The following KREMEN1 variants were observed in gnomAD, a reference collection of about 807,000 sequenced individuals.
KREMEN1 encodes the protein kremen protein 1.
In KREMEN1, 30 loss-of-function variants were observed where a neutral mutation model predicts 46.5. The ratio of observed to expected loss-of-function variants is 0.65; its 90% CI spans 0.48 to 0.88. The LOEUF is 0.88. Ranked by LOEUF, KREMEN1 falls within the 40% of genes least tolerant of loss-of-function variation. The probability of loss-of-function intolerance (pLI) is 0.00; values close to 1 mark genes in which losing one functional copy is unlikely to be tolerated. For missense variants in KREMEN1, 533 were observed against 596.9 expected (o/e 0.89, Z 1.11); for synonymous variants, 214 against 230.6 (o/e 0.93, Z 0.65).
chr22:29,096,141 C>T (rs2037879426), intron 2 of KREMEN1, among the ~76,000 whole-genome samples: 1 of 152,154 alleles, frequency 6.6e-6, no homozygotes, highest in South Asian at 2.1e-4. Flanking sequence ...AGTCCCACCC[C>T]ATTTTTTATT....
At chr22:29,157,685 C>T (rs7285332) in intron 9 of KREMEN1, among the ~76,000 whole-genome samples, 2,665 of 152,286 alleles carry the variant, frequency 0.018, 29 homozygotes, top group Middle Eastern at 0.058. Context: ...CATGGCTGCA[C>T]GGAGCTTCCT....
At chr22:29,166,190 C>A in intron 9 of KREMEN1, among the ~76,000 whole-genome samples, 1 of 152,194 alleles carries the variant, frequency 6.6e-6, no homozygotes, top group Non-Finnish European at 1.5e-5. Context: ...GCACACTCGC[C>A]TCCTAGTCGT....
chr22:29,146,016 T>C lies in KREMEN1; in HGVS notation c.*3904T>C, dbSNP rs1015274926. The C allele has an allele frequency of 4.1e-6, 4 of 985,312 alleles. No individual in the cohort carries two copies. Among genetic ancestry groups the C allele is most frequent in the Non-Finnish European group, 3.6e-6 (3 of 829,582 alleles). The allele number at this position is 985,312 out of a possible 1,614,324, so 61.0% of individuals were successfully genotyped here. A position where few individuals can be genotyped will look rare whatever the true frequency, so the allele number is the denominator to read the frequency against. ...ATGCATCCTGGCACTGCACGCTTAC[T>C]CTTCACAAGCACTTATACGCGGATG... is the stretch of plus-strand genomic sequence containing the variant. On this transcript the variant is annotated 3_prime_UTR_variant, in exon 9 of 9. Transcript: ENST00000400335.
At chr22:29,078,483 A>G (rs556284205) in intron 1 of KREMEN1, among the ~76,000 whole-genome samples, 2 of 105,970 alleles carry the variant, frequency 1.9e-5, no homozygotes, top group Non-Finnish European at 4.0e-5. Context: ...AACAGCCAGG[A>G]AAAAAAAAAA....
intron 1 of KREMEN1, among the ~76,000 whole-genome samples, chr22:29,074,110 C>T (rs2037526910): frequency 6.6e-6 from 1 of 152,240 alleles, no homozygotes; most frequent in Non-Finnish European, 1.5e-5. Context: ...CTCGGCTGCA[C>T]CCGCTTGGCG....
Position 29,143,055 on chromosome 22 carries a change from C to A in KREMEN1, c.*943C>A. ...ATCCCAGCTACTCAGAAGGCTGAGA[C>A]AGAAGAACAGCTTGAACCCAGGAGG... On this transcript the variant is annotated 3_prime_UTR_variant, in exon 9 of 9. Transcript: ENST00000400335. The A allele has an allele frequency of 2.0e-6, 1 of 504,456 alleles. No homozygotes were observed. The highest frequency in any genetic ancestry group is 2.6e-6 in the Non-Finnish European group (1 of 390,528). 31.2% of individuals were successfully genotyped at this position (504,456 alleles called of 1,614,324 possible).
intron 9 of KREMEN1, chr22:29,154,349 T>C (rs1389889528): frequency 1.3e-5 from 2 of 152,244 alleles, no homozygotes; most frequent in Non-Finnish European, 2.9e-5. Context: ...GACCTAGCTG[T>C]TGGGTGAAAA....
At chr22:29,083,794 CGCACTCCAGCT>C (rs1204101340) in intron 1 of KREMEN1, among the ~76,000 whole-genome samples, 1 of 151,554 alleles carries the variant, frequency 6.6e-6, no homozygotes, top group Non-Finnish European at 1.5e-5. Context: ...ATTGCGCCAC[CGCACTCCAGCT>C]TGGGCGACAG....
At chr22:29,116,591 T>TTA (rs1258145090) in intron 3 of KREMEN1, among the ~76,000 whole-genome samples, 2 of 152,206 alleles carry the variant, frequency 1.3e-5, no homozygotes, top group Non-Finnish European at 2.9e-5. Context: ...ATGGCCATGT[T>TTA]TATGTCTAAC....
chr22:29,157,019 T>A (rs132292), intron 9 of KREMEN1, among the ~76,000 whole-genome samples: 128,872 of 152,192 alleles, frequency 0.85, 54,936 homozygotes, highest in Non-Finnish European at 0.9. Context: ...TGCTGGTAAG[T>A]GGGGGTAAAG....
chr22:29,165,892 G>A (rs950676506), intron 9 of KREMEN1, among the ~76,000 whole-genome samples: 2 of 152,216 alleles, frequency 1.3e-5, no homozygotes, highest in African/African-American at 4.8e-5. Context: ...CCCTGGGAGG[G>A]CGCCCGTTAG....
At chr22:29,088,391 C>A (rs749887014) in intron 1 of KREMEN1, among the ~76,000 whole-genome samples, 1 of 152,076 alleles carries the variant, frequency 6.6e-6, no homozygotes, top group African/African-American at 2.4e-5. Context: ...TGCCTTGGTG[C>A]GATCTTGGCT....
chr22:29,166,378 G>A (rs769641784), intron 9 of KREMEN1, among the ~76,000 whole-genome samples: 5 of 152,226 alleles, frequency 3.3e-5, no homozygotes, highest in African/African-American at 7.2e-5. Flanking sequence ...CTGCCTTTCC[G>A]GGGGTCACTT....
intron 1 of KREMEN1, among the ~76,000 whole-genome samples, chr22:29,089,981 T>G (rs1382017156): frequency 6.6e-6 from 1 of 152,236 alleles, no homozygotes; most frequent in African/African-American, 2.4e-5. Context: ...TTTACTCTGC[T>G]TCATTCCTTC....
At chr22:29,125,077 G>A in intron 4 of KREMEN1, 186 bp from the exon 5 acceptor site, 1 of 627,474 alleles carries the variant, frequency 1.6e-6, no homozygotes, top group Non-Finnish European at 2.8e-6. Flanking sequence ...ACACATTGGT[G>A]GTTGCGTACT....
In KREMEN1 at chr22:29,121,359, C is replaced by T; in HGVS notation, c.355C>T (p.Pro119Ser). Residue 119 changes from proline (P) to serine (S), a missense_variant and splice_region_variant, in exon 4 of 9, where the codon CCT becomes TCT. By Grantham distance (74) the Pro-to-Ser change is moderately conservative (BLOSUM62 -1). Transcript: ENST00000400335. ...TTTTGTTTTTCTTTTTTCTTTAGTG[C>T]CTGGAAACCTTGGCTGCTACAAGGA... Reference protein sequence around the residue: ...KYCEIPACQMPGNLGCYKDHG... With the variant: ...KYCEIPACQMSGNLGCYKDHG... 1.2e-6 allele frequency: 2 copies of T among 1,613,414 alleles called. No homozygotes were observed. The highest frequency in any genetic ancestry group is 1.7e-6 in the Non-Finnish European group (2 of 1,179,748).
intron 8 of KREMEN1, among the ~76,000 whole-genome samples, 179 bp from the exon 9 acceptor site, chr22:29,141,765 C>T (rs1325115776): frequency 1.3e-5 from 2 of 152,224 alleles, no homozygotes; most frequent in Admixed American, 1.3e-4. Flanking sequence ...TTGGCCTCAG[C>T]CCCTGCTGCC....
chr22:29,105,752 C>T (rs775079901), intron 3 of KREMEN1, among the ~76,000 whole-genome samples: 6 of 152,064 alleles, frequency 3.9e-5, no homozygotes, highest in African/African-American at 1.4e-4. Context: ...TCAAGATTTC[C>T]CACTTTTAAC....
chr22:29,079,019 C>T (rs1238044461), intron 1 of KREMEN1, among the ~76,000 whole-genome samples: 2 of 152,194 alleles, frequency 1.3e-5, no homozygotes, highest in Non-Finnish European at 2.9e-5. Flanking sequence ...TTTTTCCTCC[C>T]TGTCTTATCT....
Sources: allele counts gnomAD v4.1 joint callset (sites outside exome capture counted in the v4.1 genomes callset), GRCh38; gene constraint gnomAD v4.1.1; transcripts MANE v1.5; gene names NCBI Gene and HGNC (gene_info 2026-07-23, HGNC 2026-07-21).